The following PTCHD4 variants were observed in gnomAD, a reference collection of about 807,000 sequenced individuals.
The protein encoded by PTCHD4 is patched domain containing 4.
In PTCHD4, 33 loss-of-function variants were observed where a neutral mutation model predicts 58.1. The ratio of observed to expected loss-of-function variants is 0.57; its 90% CI spans 0.43 to 0.76. The LOEUF is 0.76. Ranked by LOEUF, PTCHD4 falls within the 30% of genes least tolerant of loss-of-function variation. The pLI, the probability that PTCHD4 is intolerant of heterozygous loss-of-function variation, is 0.00. For synonymous variants in PTCHD4, 478 were observed against 409.6 expected (o/e 1.17, Z -2.02); for missense variants, 1,058 against 1,027.1 (o/e 1.03, Z -0.41).
intron 4 of PTCHD4, among the ~76,000 whole-genome samples, chr6:47,994,942 A>G (rs1440717406): frequency 1.3e-5 from 2 of 152,184 alleles, no homozygotes; most frequent in East Asian, 3.8e-4. Flanking sequence ...AAATAACACA[A>G]CCAAAAAGAA....
chr6:47,914,712 C>G (rs373322496), intron 4 of PTCHD4, among the ~76,000 whole-genome samples: 2,068 of 77,866 alleles, frequency 0.027, 48 homozygotes, highest in African/African-American at 0.061. Context: ...CTGTCTGTCT[C>G]TCTGTCTGTC....
At position 48,068,636 on chromosome 6, in the gene PTCHD4, G is replaced by T. The variant is rs1377032307; in HGVS notation, c.11C>A (p.Pro4Gln). 1.9e-6 allele frequency: 3 copies of T among 1,548,768 alleles called. 1 individual carries two copies. The Admixed American group carries it at 5.8e-5, about 30-fold the overall frequency. ...CCAGATCCAGCTCGCAGGCGCTCCC[G>T]GCCGTCTTAAAAAGCACATGTGACA... MRR[P>Q]GAPASWIWWR... is the part of the protein sequence containing the mutation. Residue 4 changes from proline to glutamine, a missense_variant, in exon 3 of 5, where the codon CCG (proline) becomes CAG (glutamine). Physicochemically the swap from Pro to Gln is moderately conservative, Grantham distance 76. Coordinates refer to ENST00000339488, the MANE Select transcript of PTCHD4 (RefSeq NM_001384253.1). The surrounding 1 kb of genome is among the most constrained non-coding windows in gnomAD (Gnocchi z 4.2).
At chr6:47,995,414 T>C (rs1768449666) in intron 4 of PTCHD4, among the ~76,000 whole-genome samples, 1 of 152,226 alleles carries the variant, frequency 6.6e-6, no homozygotes, top group South Asian at 2.1e-4. Context: ...CAAAGTCTTC[T>C]GAATAATAAC....
intron 3 of PTCHD4, among the ~76,000 whole-genome samples, chr6:48,011,066 TG>T (rs1428483432): frequency 1.3e-5 from 2 of 152,252 alleles, no homozygotes; most frequent in East Asian, 3.9e-4. Flanking sequence ...TACAGCAGAA[TG>T]ATTTATAATC....
intron 3 of PTCHD4, among the ~76,000 whole-genome samples, chr6:48,032,469 G>A (rs1763482218): frequency 6.6e-6 from 1 of 151,732 alleles, no homozygotes; most frequent in South Asian, 2.1e-4. Context: ...TGTTTATGTA[G>A]TGGGAAGGGA....
chr6:47,894,663 T>C (rs1764479676), intron 4 of PTCHD4, among the ~76,000 whole-genome samples: 1 of 152,248 alleles, frequency 6.6e-6, no homozygotes, highest in African/African-American at 2.4e-5. Flanking sequence ...TCACAGTATA[T>C]CAAAATACAT....
At chr6:47,933,283 A>G (rs1765884834) in intron 4 of PTCHD4, among the ~76,000 whole-genome samples, 1 of 152,174 alleles carries the variant, frequency 6.6e-6, no homozygotes, top group African/African-American at 2.4e-5. Context: ...CTTCAGATGC[A>G]TTTTCTAAGA....
At chr6:48,026,205 T>G (rs1349940648) in intron 3 of PTCHD4, among the ~76,000 whole-genome samples, 2 of 152,128 alleles carry the variant, frequency 1.3e-5, no homozygotes, top group Admixed American at 1.3e-4. Flanking sequence ...TTGTTCTGAG[T>G]GGGAATTAGT....
intron 1 of PTCHD4, among the ~76,000 whole-genome samples, chr6:48,075,016 T>G (rs1449738462): frequency 6.6e-6 from 1 of 152,152 alleles, no homozygotes; most frequent in Non-Finnish European, 1.5e-5. Flanking sequence ...TAAGCATATA[T>G]ATTATTCACC....
chr6:48,061,378 G>T (rs1764620434), intron 3 of PTCHD4, among the ~76,000 whole-genome samples: 2 of 152,102 alleles, frequency 1.3e-5, no homozygotes, highest in Admixed American at 6.5e-5. Context: ...ATACCTCTTT[G>T]GTGTTTCCAT....
At chr6:48,109,176 AG>A (rs1290422561) in intron 1 of PTCHD4, among the ~76,000 whole-genome samples, 1 of 152,108 alleles carries the variant, frequency 6.6e-6, no homozygotes, top group Non-Finnish European at 1.5e-5. Flanking sequence ...TCATCTTGTA[AG>A]GGACTTATGA....
chr6:48,089,676 T>C (rs1013532099), intron 1 of PTCHD4, among the ~76,000 whole-genome samples: 19 of 152,246 alleles, frequency 1.2e-4, no homozygotes, highest in African/African-American at 4.3e-4. Context: ...GCTCTTTAAA[T>C]AGTATTTGAT....
chr6:47,987,506 T>A (rs1371031179), intron 4 of PTCHD4, among the ~76,000 whole-genome samples: 1 of 151,636 alleles, frequency 6.6e-6, no homozygotes, highest in Non-Finnish European at 1.5e-5. Flanking sequence ...GATTATGTCA[T>A]TTTTGTTAAT....
At chr6:47,905,134 C>T (rs755695806) in intron 4 of PTCHD4, among the ~76,000 whole-genome samples, 24 of 149,110 alleles carry the variant, frequency 1.6e-4, no homozygotes, top group African/African-American at 4.7e-4. Context: ...AGTCATAGAA[C>T]GTGGCTGGAG....
In PTCHD4 at chr6:47,864,010, C is replaced by T. The variant is rs1763493213; in HGVS notation, c.*14293G>A. Among the ~76,000 whole-genome samples the T allele has an allele frequency of 6.6e-6, 1 of 151,992 alleles. No homozygotes were observed. On this transcript the variant is annotated 3_prime_UTR_variant, in exon 5 of 5. Transcript: ENST00000339488. Reference sequence around the variant, plus strand: ...GTGGTGAGAAGCTGACCTTTGTCCTCACCTTCTTCCCTGGACAGATTTAAT... The same window carrying T: ...GTGGTGAGAAGCTGACCTTTGTCCTTACCTTCTTCCCTGGACAGATTTAAT...
chr6:47,928,242 G>A (rs927826957), intron 4 of PTCHD4, among the ~76,000 whole-genome samples: 2 of 152,150 alleles, frequency 1.3e-5, no homozygotes, highest in Non-Finnish European at 2.9e-5. Flanking sequence ...TTTGAAAGGA[G>A]CATCCCTTAT....
chr6:47,989,978 A>C (rs927270442), intron 4 of PTCHD4, among the ~76,000 whole-genome samples: 2 of 152,150 alleles, frequency 1.3e-5, no homozygotes, highest in African/African-American at 2.4e-5. Context: ...GGGGGACTCT[A>C]CCCTGCAAAG....
chr6:48,097,879 C>T (rs1765507325), intron 1 of PTCHD4, among the ~76,000 whole-genome samples: 1 of 152,184 alleles, frequency 6.6e-6, no homozygotes, highest in African/African-American at 2.4e-5. Context: ...TAGGATGAGT[C>T]TGGCCAAGCC....
At chr6:47,904,254 C>G (rs1383689743) in intron 4 of PTCHD4, among the ~76,000 whole-genome samples, 3 of 152,176 alleles carry the variant, frequency 2.0e-5, no homozygotes, top group Non-Finnish European at 4.4e-5. Flanking sequence ...AGGGTCAGTG[C>G]CAGTTAGGAT....
Sources: allele counts gnomAD v4.1 joint callset (sites outside exome capture counted in the v4.1 genomes callset), GRCh38; gene constraint gnomAD v4.1.1; non-coding constraint Gnocchi (gnomAD v3.1); transcripts MANE v1.5; gene names NCBI Gene and HGNC (gene_info 2026-07-23, HGNC 2026-07-21).